The following TEX15 variants were observed in gnomAD, a reference collection of about 807,000 sequenced individuals.
TEX15 encodes the protein testis-expressed protein 15.
In TEX15, 171 loss-of-function variants were observed where a neutral mutation model predicts 237.3. The ratio of observed to expected loss-of-function variants is 0.72; its 90% CI spans 0.64 to 0.82. The LOEUF is 0.82. Ranked by LOEUF, TEX15 falls within the 40% of genes least tolerant of loss-of-function variation. The probability of loss-of-function intolerance (pLI) is 0.00; values close to 1 mark genes in which losing one functional copy is unlikely to be tolerated. For synonymous variants in TEX15, 1,338 were observed against 1,269.8 expected (o/e 1.05, Z -1.14); for missense variants, 3,750 against 3,646.5 (o/e 1.03, Z -0.73).
At chr8:30,877,343 A>AT (rs570361063) in intron 3 of TEX15, among the ~76,000 whole-genome samples, 131 of 152,318 alleles carry the variant, frequency 8.6e-4, no homozygotes, top group African/African-American at 3.0e-3. Flanking sequence ...TCCTCAAATA[A>AT]TGAAGATTGA....
At chr8:30,912,247 A>T (rs930379043) in intron 1 of TEX15, among the ~76,000 whole-genome samples, 30 of 151,796 alleles carry the variant, frequency 2.0e-4, no homozygotes, top group African/African-American at 7.0e-4. Flanking sequence ...GCGGACTGCC[A>T]GTCACCCGGG....
chr8:30,836,094 T>C (rs1484866070), intron 10 of TEX15, among the ~76,000 whole-genome samples: 1 of 152,078 alleles, frequency 6.6e-6, no homozygotes, highest in Non-Finnish European at 1.5e-5. Context: ...ATATTTTATT[T>C]CAGTATTTCT....
Position 30,847,797 on chromosome 8 carries a change from T to C in TEX15, c.2370A>G (p.Thr790=). 1 of 1,613,870 alleles carries C rather than the reference T, an allele frequency of 6.2e-7. No homozygotes were observed. Among genetic ancestry groups the C allele is most frequent in the Non-Finnish European group, 8.5e-7 (1 of 1,179,950 alleles). ...DTVISSYNIE[T]AHDSSNCSIT... The stretch of plus-strand genomic sequence containing the variant: ...TGCTGCAATTTGAACTGTCATGAGC[T>C]GTTTCTATGTTATAAGATGAAATAA... The change falls in exon 8 of 11, where the codon ACA becomes ACG. Residue 790 remains threonine (T), a synonymous_variant. Transcript: ENST00000643185.
chr8:30,847,490 TTGTA>T lies in TEX15; in HGVS notation c.2673_2676del (p.His891GlnfsTer8). 1.9e-6 allele frequency: 3 copies of T among 1,613,266 alleles called. No individual in the cohort carries two copies. Among genetic ancestry groups the T allele is most frequent in the Non-Finnish European group, 2.5e-6 (3 of 1,179,836 alleles). ...TCATCTATATTGCTGAAATTTTCGT[TTGTA>T]TGAGAATCCTGCTTTTTGTCTCCAT... On this transcript the variant is annotated frameshift_variant, in exon 8 of 11. Transcript: ENST00000643185. LOFTEE classifies it high-confidence loss of function.
At position 30,887,272 on chromosome 8, in the gene TEX15, T is replaced by C. The variant is rs1401850234; in HGVS notation, c.31A>G (p.Thr11Ala). The stretch of plus-strand genomic sequence containing the variant: ...CTAGTTGAGCTCATTTGCCACAGTG[T>C]ATCCTGTTTAGCAGTTTCTTTCATT... MEMKETAKQDTLWQMSSTSKP... is the reference protein window; with the variant it reads MEMKETAKQDALWQMSSTSKP... Residue 11 changes from threonine to alanine, a missense_variant, in exon 3 of 11, where the codon ACA becomes GCA. Physicochemically the swap from Thr to Ala is moderately conservative, Grantham distance 58 (BLOSUM62 0). Transcript: ENST00000643185. 1 of 1,535,152 alleles carries C rather than the reference T, an allele frequency of 6.5e-7. No individual in the cohort carries two copies. The highest frequency in any genetic ancestry group is 1.2e-5 in the South Asian group (1 of 83,756).
At chr8:30,856,481 G>C (rs1255590276) in intron 7 of TEX15, among the ~76,000 whole-genome samples, 1 of 152,056 alleles carries the variant, frequency 6.6e-6, no homozygotes, top group Non-Finnish European at 1.5e-5. Context: ...TTGAGCTTGG[G>C]AGGCGGAGGC....
chr8:30,903,709 T>A (rs1342330977), intron 1 of TEX15, among the ~76,000 whole-genome samples: 1 of 152,174 alleles, frequency 6.6e-6, no homozygotes, highest in Non-Finnish European at 1.5e-5. Flanking sequence ...ATATAACAAA[T>A]GCCATCCTCT....
intron 3 of TEX15, among the ~76,000 whole-genome samples, chr8:30,878,056 T>C (rs139410351): frequency 1.3e-4 from 20 of 152,094 alleles, no homozygotes; most frequent in Non-Finnish European, 2.2e-4. Context: ...TCTAGAATAT[T>C]TGTAAATGAA....
At position 30,845,741 on chromosome 8, in the gene TEX15, T is replaced by C; in HGVS notation, c.4426A>G (p.Lys1476Glu). Residue 1476 changes from lysine to glutamate, a missense_variant, in exon 8 of 11, where the codon AAG (lysine) becomes GAG (glutamate). Transcript: ENST00000643185. ...SKSLTHVSKHKSYKTSGEKKC... is the reference protein window; with the variant it reads ...SKSLTHVSKHESYKTSGEKKC... ...TTCTCTCCACTTGTTTTATAAGACT[T>C]GTGCTTTGACACATGGGTTAATGAT... is the stretch of plus-strand genomic sequence containing the variant. The C allele has an allele frequency of 6.2e-7, 1 of 1,613,680 alleles. No homozygotes were observed. The highest frequency in any genetic ancestry group is 1.3e-5 in the African/African-American group (1 of 75,034).
intron 3 of TEX15, among the ~76,000 whole-genome samples, chr8:30,876,691 C>T (rs903370877): frequency 1.3e-5 from 2 of 152,244 alleles, no homozygotes; most frequent in Non-Finnish European, 2.9e-5. Context: ...CCTTCTTGAC[C>T]TTAGGAACAC....
At chr8:30,911,779 C>G (rs894719820) in intron 1 of TEX15, among the ~76,000 whole-genome samples, 3 of 152,150 alleles carry the variant, frequency 2.0e-5, no homozygotes, top group Non-Finnish European at 2.9e-5. Context: ...CCATGCGCCT[C>G]AAACCGAGCA....
chr8:30,848,494 T>G lies in TEX15; in HGVS notation c.1673A>C (p.Glu558Ala), dbSNP rs1205204204. ...CTGTTGGGCTCTCTGAGCCTTCTCCTCACTGTGGTTTTGGTTCTCAACCTC... is the reference window on the plus strand; with the variant it reads ...CTGTTGGGCTCTCTGAGCCTTCTCCGCACTGTGGTTTTGGTTCTCAACCTC... ...VSEVENQNHS[E>A]EKAQRAQQES... Residue 558 changes from glutamate (E) to alanine (A), a missense_variant, in exon 8 of 11, where the codon GAG becomes GCG. Transcript: ENST00000643185. The G allele has an allele frequency of 2.5e-6, 4 of 1,614,166 alleles. No individual in the cohort carries two copies. The Admixed American group carries it at 5.0e-5, about 20-fold the overall frequency.
In TEX15 at chr8:30,875,076, T is replaced by C; in HGVS notation, c.163A>G (p.Ser55Gly). The C allele has an allele frequency of 8.0e-7, 1 of 1,253,318 alleles. No homozygotes were observed. Among genetic ancestry groups the C allele is most frequent in the Non-Finnish European group, 1.0e-6 (1 of 997,518 alleles). The allele number at this position is 1,253,318 out of a possible 1,614,324, so 77.6% of individuals were successfully genotyped here. A position where few individuals can be genotyped will look rare whatever the true frequency, so the allele number is the denominator to read the frequency against. Residue 55 changes from serine (S) to glycine (G), a missense_variant, in exon 4 of 11, where the codon AGT becomes GGT. Ser to Gly is a moderately conservative substitution (Grantham distance 56). Transcript: ENST00000643185. ...TCATGTATAAAACTATACTCTCTAC[T>C]ATTGGTGTAACAAGGTGACAAGTAA... ...KVYLSPCYTN[S>G]REYSFIHDTL...
chr8:30,906,153 T>C (rs1268282207), intron 1 of TEX15, among the ~76,000 whole-genome samples: 2 of 152,208 alleles, frequency 1.3e-5, no homozygotes, highest in Non-Finnish European at 2.9e-5. Flanking sequence ...TTATTATTAA[T>C]GTATGTTTAA....
Position 30,846,365 on chromosome 8 carries a change from C to G in TEX15, c.3802G>C (p.Val1268Leu), listed in dbSNP as rs141905776. ...CTGCTTCCATCATCTATTGTTGTGACATTAGAAGGTTCAGTAAACAAAGAT... is the reference window on the plus strand; with the variant it reads ...CTGCTTCCATCATCTATTGTTGTGAGATTAGAAGGTTCAGTAAACAAAGAT... ...SESLFTEPSN[V>L]TTIDDGSRCF... The change falls in exon 8 of 11, where the codon GTC becomes CTC. Residue 1268 changes from valine to leucine, a missense_variant. Transcript: ENST00000643185. 7 of 1,613,196 alleles carry G rather than the reference C, an allele frequency of 4.3e-6. No individual in the cohort carries two copies. In the African/African-American group the frequency reaches 9.3e-5, roughly 22 times the overall value.
At chr8:30,883,539 TGTTTCCCTCCCC>T (rs1281249493) in intron 3 of TEX15, among the ~76,000 whole-genome samples, 1 of 152,112 alleles carries the variant, frequency 6.6e-6, no homozygotes, top group African/African-American at 2.4e-5. Flanking sequence ...CAGTGTGTGT[TGTTTCCCTCCCC>T]GTGTCCATGT....
intron 7 of TEX15, among the ~76,000 whole-genome samples, chr8:30,856,779 C>T (rs374960805): frequency 1.3e-5 from 2 of 151,906 alleles, no homozygotes; most frequent in South Asian, 4.2e-4. Flanking sequence ...AATTGAAATA[C>T]GTTAGAGATA....
Position 30,845,060 on chromosome 8 carries a change from C to T in TEX15, c.5107G>A (p.Gly1703Ser). 1 of 1,613,516 alleles carries T rather than the reference C, an allele frequency of 6.2e-7. No homozygotes were observed. The highest frequency in any genetic ancestry group is 1.1e-5 in the South Asian group (1 of 91,072). ...QNIITGNFLM[G>S]PLNLTLIASK... ...GCTATCAAAGTTAGGTTTAATGGGCCCATAAGGAAGTTTCCTGTAATAATG... is the reference window on the plus strand; with the variant it reads ...GCTATCAAAGTTAGGTTTAATGGGCTCATAAGGAAGTTTCCTGTAATAATG... The change falls in exon 8 of 11, where the codon GGC becomes AGC. Residue 1703 changes from glycine to serine, a missense_variant. Gly to Ser is a moderately conservative substitution (Grantham distance 56, BLOSUM62 0). Coordinates refer to ENST00000643185, the MANE Select transcript of TEX15 (RefSeq NM_001350162.2).
intron 1 of TEX15, among the ~76,000 whole-genome samples, chr8:30,911,048 T>C (rs547715767): frequency 2.0e-5 from 3 of 152,220 alleles, no homozygotes; most frequent in Non-Finnish European, 4.4e-5. Flanking sequence ...TTAAAATCTT[T>C]TAAAAATATT....
Sources: gnomAD v4.1 joint callset for allele counts (sites outside exome capture counted in the v4.1 genomes callset) on GRCh38, gnomAD v4.1.1 for gene constraint, MANE v1.5 for transcripts, NCBI Gene and HGNC (gene_info 2026-07-23, HGNC 2026-07-21) for gene names.